The following CEP192 variants were observed in gnomAD, a reference collection of about 807,000 sequenced individuals.
The protein encoded by CEP192 is centrosomal protein 192.
A neutral mutation model predicts 271.8 loss-of-function variants in CEP192; 151 were observed. The observed-to-expected ratio is 0.56, with a 90% CI of 0.49 to 0.64. CEP192 has a LOEUF of 0.64. CEP192 is among the 30% of genes least tolerant of loss of function. CEP192 has a pLI of 0.00. For synonymous variants in CEP192, 995 were observed against 1,076.5 expected (o/e 0.92, Z 1.48); for missense variants, 2,910 against 3,020.5 (o/e 0.96, Z 0.86).
intron 44 of CEP192, among the ~76,000 whole-genome samples, chr18:13,122,246 A>G (rs1207246163): frequency 6.6e-6 from 1 of 152,162 alleles, no homozygotes. Context: ...ACATGGTGAA[A>G]CCCCGTCTCT....
chr18:13,095,715 GT>G, intron 35 of CEP192, 34 bp downstream of exon 35: 1 of 1,586,480 alleles, frequency 6.3e-7, no homozygotes, highest in Non-Finnish European at 8.6e-7. Flanking sequence ...TCAGAGGTGT[GT>G]TCCGGCGTCC....
At chr18:13,050,842 C>T (rs945761696) in intron 17 of CEP192, among the ~76,000 whole-genome samples, 11 of 152,220 alleles carry the variant, frequency 7.2e-5, no homozygotes, top group South Asian at 4.1e-4. Flanking sequence ...GGCCTCCCAA[C>T]GTGCTGGGAT....
rs750119944 is a variant in CEP192 at position 13,030,537 on chromosome 18, C to T, written c.1463C>T (p.Thr488Ile). 11 of 1,610,372 alleles carry T rather than the reference C, an allele frequency of 6.8e-6. No individual in the cohort carries two copies. Among genetic ancestry groups the T allele is most frequent in the Non-Finnish European group, 9.3e-6 (11 of 1,177,064 alleles). ...GRWVTDLAYY[T>I]SFNSKQNLNV... ...TGGGTCACAGACCTTGCCTATTACA[C>T]ATCTTTTAATAGCAAACAAAATTTA... The change falls in exon 11 of 45, where the codon ACA becomes ATA. Residue 488 changes from threonine (T) to isoleucine (I), a missense_variant. Physicochemically the swap from Thr to Ile is moderately conservative, Grantham distance 89. Transcript: ENST00000506447.
intron 9 of CEP192, among the ~76,000 whole-genome samples, chr18:13,024,859 T>G (rs1270994854): frequency 6.6e-6 from 1 of 152,096 alleles, no homozygotes. Context: ...GACCTCCACC[T>G]CCTGAGTTCA....
Position 13,059,303 on chromosome 18 carries a change from T to C in CEP192, c.4479T>C (p.Pro1493=). The C allele has an allele frequency of 1.2e-6, 2 of 1,612,044 alleles. No individual in the cohort carries two copies. The highest frequency in any genetic ancestry group is 1.1e-5 in the South Asian group (1 of 91,042). ...CTCTCACTGCCATTGCCGAGAGTCC[T>C]GTTATTGAGGTACCTGTTTGAAAAT... is the stretch of plus-strand genomic sequence containing the variant. The part of the protein sequence containing the change: ...TVTLTAIAES[P]VIEVETEKKD... The change falls in exon 21 of 45, where the codon CCT becomes CCC. Residue 1493 remains proline, a synonymous_variant. Coordinates refer to ENST00000506447, the MANE Select transcript of CEP192 (RefSeq NM_032142.4).
In CEP192 at chr18:13,056,378, A is replaced by G; in HGVS notation, c.3788A>G (p.Gln1263Arg). 6.2e-7 allele frequency: 1 copy of G among 1,614,262 alleles called. No homozygotes were observed. The highest frequency in any genetic ancestry group is 8.5e-7 in the Non-Finnish European group (1 of 1,180,044). Residue 1263 changes from glutamine to arginine, a missense_variant, in exon 19 of 45, where the codon CAG becomes CGG. Coordinates refer to ENST00000506447, the MANE Select transcript of CEP192 (RefSeq NM_032142.4). ...TCTCTCAGCGCTGCTCCTTTTGCTC[A>G]GCGGTATTTGGGAACACTCCCTTCA... is the stretch of plus-strand genomic sequence containing the variant. The part of the protein sequence containing the change: ...QPSLSAAPFA[Q>R]RYLGTLPSTG...
Position 13,072,828 on chromosome 18 carries a change from G to C in CEP192, c.5422G>C (p.Asp1808His), listed in dbSNP as rs1258879649. The C allele has an allele frequency of 2.5e-6, 4 of 1,611,430 alleles. No individual in the cohort carries two copies. Among genetic ancestry groups the C allele is most frequent in the Non-Finnish European group, 2.5e-6 (3 of 1,177,500 alleles). Reference sequence around the variant, plus strand: ...TTTACGACTGCTTATTAGAGGACAAGATCAGGACTGCTTTCAGGTTCGTAG... The same window carrying C: ...TTTACGACTGCTTATTAGAGGACAACATCAGGACTGCTTTCAGGTTCGTAG... ...QHLRLLIRGQ[D>H]QDCFQLQNTF... is the part of the protein sequence containing the mutation. Residue 1808 changes from aspartate (D) to histidine (H), a missense_variant, in exon 29 of 45, where the codon GAT becomes CAT. By Grantham distance (81) the Asp-to-His change is moderately conservative. Coordinates refer to ENST00000506447, the MANE Select transcript of CEP192 (RefSeq NM_032142.4).
chr18:13,066,963 CTG>C (rs56795701), intron 21 of CEP192, among the ~76,000 whole-genome samples: 17,367 of 143,244 alleles, frequency 0.12, 1,083 homozygotes, highest in East Asian at 0.29. Context: ...GTGAGCACGT[CTG>C]TGTGTGTGTG....
Position 13,009,984 on chromosome 18 carries a change from CTCTG to C in CEP192, c.466+1359_466+1362del, listed in dbSNP as rs571484435. Reference sequence around the variant, plus strand: ...TATCAGCCTGGGCAACAAGGTGAAACTCTGTCTGTACAAAAAATACAAAAATTAG... The same window carrying C: ...TATCAGCCTGGGCAACAAGGTGAAACTCTGTACAAAAAATACAAAAATTAG... On this transcript the variant is annotated intron_variant, in intron 4 of 44. Transcript: ENST00000506447. Among the ~76,000 whole-genome samples the C allele has an allele frequency of 3.0e-3, 452 of 152,082 alleles. 3 individuals are homozygous for C. The highest frequency in any genetic ancestry group is 5.4e-3 in the Non-Finnish European group (366 of 67,992).
chr18:13,061,643 T>C (rs2144251919), intron 21 of CEP192, among the ~76,000 whole-genome samples: 1 of 152,400 alleles, frequency 6.6e-6, no homozygotes. Flanking sequence ...TCTTTTTGGC[T>C]AAGTGCCATT....
intron 30 of CEP192, among the ~76,000 whole-genome samples, chr18:13,086,347 C>T (rs1276927310): frequency 6.6e-6 from 1 of 152,234 alleles, no homozygotes; most frequent in Non-Finnish European, 1.5e-5. Context: ...TTGACTTCCT[C>T]TCTTCCTATT....
intron 9 of CEP192, among the ~76,000 whole-genome samples, chr18:13,021,548 C>T (rs1197158801): frequency 6.6e-6 from 1 of 152,210 alleles, no homozygotes; most frequent in Non-Finnish European, 1.5e-5. Context: ...AGTCCTTCAT[C>T]CTTCAACTTA....
chr18:13,092,611 C>CTAT, intron 34 of CEP192, 84 bp downstream of exon 34: 1 of 938,290 alleles, frequency 1.1e-6, no homozygotes, highest in Non-Finnish European at 1.6e-6. Flanking sequence ...CTGTACTTCA[C>CTAT]TATTATTATT....
In CEP192 at chr18:13,087,184, A is replaced by G; in HGVS notation, c.5784A>G (p.Val1928=). 2 of 1,614,026 alleles carry G rather than the reference A, an allele frequency of 1.2e-6. No homozygotes were observed. Among genetic ancestry groups the G allele is most frequent in the Non-Finnish European group, 1.7e-6 (2 of 1,179,872 alleles). Residue 1928 remains valine, a synonymous_variant, in exon 31 of 45, where the codon GTA becomes GTG. Coordinates refer to ENST00000506447, the MANE Select transcript of CEP192 (RefSeq NM_032142.4). ...TGSRAAFVKA[V]GFKDSQKKVL... The stretch of plus-strand genomic sequence containing the variant: ...CCCGAGCAGCTTTTGTTAAAGCAGT[A>G]GGTTTTAAGGATTCTCAGAAAAAAG...
intron 40 of CEP192, among the ~76,000 whole-genome samples, chr18:13,111,602 T>TC (rs2040214267): frequency 6.6e-6 from 1 of 151,690 alleles, no homozygotes. Flanking sequence ...TTGACACCAG[T>TC]AAAGCACAAG....
intron 30 of CEP192, among the ~76,000 whole-genome samples, chr18:13,081,586 G>C (rs2038612076): frequency 6.6e-6 from 1 of 152,080 alleles, no homozygotes; most frequent in Non-Finnish European, 1.5e-5. Context: ...CAAAAAACCA[G>C]CTCCTGGATT....
At chr18:13,046,967 T>C (rs1285265670) in intron 15 of CEP192, among the ~76,000 whole-genome samples, 1 of 152,198 alleles carries the variant, frequency 6.6e-6, no homozygotes, top group Non-Finnish European at 1.5e-5. Context: ...TTTTAGCACT[T>C]TGAATGTATT....
At position 13,105,010 on chromosome 18, in the gene CEP192, T is replaced by C. The variant is rs1402913215; in HGVS notation, c.6978T>C (p.Phe2326=). 1 of 1,613,976 alleles carries C rather than the reference T, an allele frequency of 6.2e-7. No individual in the cohort carries two copies. The highest frequency in any genetic ancestry group is 2.2e-5 in the East Asian group (1 of 44,886). ...VKGVDESGDV[F]RATYAAFRCS... is the part of the protein sequence containing the mutation. The stretch of plus-strand genomic sequence containing the variant: ...GAGTTGATGAAAGTGGAGATGTTTT[T>C]AGAGCTACCTATGCAGCATTCAGAT... The change falls in exon 40 of 45, where the codon TTT becomes TTC. Residue 2326 remains phenylalanine, a synonymous_variant. Transcript: ENST00000506447.
Position 13,030,134 on chromosome 18 carries a change from T to A in CEP192, c.1390+132T>A, listed in dbSNP as rs1158815829. The A allele has an allele frequency of 1.3e-5, 10 of 763,386 alleles. No homozygotes were observed. The African/African-American group carries it at 1.8e-4, about 13-fold the overall frequency. 47.3% of individuals were successfully genotyped at this position (763,386 alleles called of 1,614,324 possible). A position where few individuals can be genotyped will look rare whatever the true frequency, so the allele number is the denominator to read the frequency against. On this transcript the variant is annotated intron_variant, in intron 10 of 44. Coordinates refer to ENST00000506447, the MANE Select transcript of CEP192 (RefSeq NM_032142.4). ...TAGTGTTTTATAGTTTAAACAAAAT[T>A]TTAAATCTACTTGTACAGGGAGGAT...
Sources: gnomAD v4.1 joint callset for allele counts (sites outside exome capture counted in the v4.1 genomes callset) on GRCh38, gnomAD v4.1.1 for gene constraint, MANE v1.5 for transcripts, NCBI Gene and HGNC (gene_info 2026-07-23, HGNC 2026-07-21) for gene names.